HCFC2: variants seen among roughly 807,000 people sequenced by gnomAD.
HCFC2 encodes host cell factor 2.
In HCFC2, 18 loss-of-function variants were observed where a neutral mutation model predicts 89.2. The observed-to-expected ratio is 0.20, with a 90% CI of 0.14 to 0.30. The LOEUF (loss-of-function observed/expected upper bound fraction) is 0.30. HCFC2 is among the 10% of genes least tolerant of loss of function. The pLI is 1.00. For synonymous variants in HCFC2, 308 were observed against 335.7 expected (o/e 0.92, Z 0.90); for missense variants, 578 against 956.1 (o/e 0.60, Z 5.21).
At chr12:104,101,814 C>T (rs1231153743) in intron 13 of HCFC2, among the ~76,000 whole-genome samples, 154 bp from the exon 14 acceptor site, 1 of 151,986 alleles carries the variant, frequency 6.6e-6, no homozygotes, top group Non-Finnish European at 1.5e-5. Flanking sequence ...AGGGTTCATT[C>T]CATGTGAGAG....
At chr12:104,092,282 A>G (rs757795231) in intron 9 of HCFC2, among the ~76,000 whole-genome samples, 8 of 152,144 alleles carry the variant, frequency 5.3e-5, no homozygotes, top group Non-Finnish European at 1.2e-4. Context: ...CCTTGACAAC[A>G]TGGCAAAACC....
rs1020845522 is a variant in HCFC2, at chr12:104,088,013, G to T, written c.1259G>T (p.Gly420Val). Residue 420 changes from glycine (G) to valine (V), a missense_variant, in exon 9 of 15, where the codon GGC (glycine) becomes GTC (valine). Physicochemically the swap from Gly to Val is moderately radical, Grantham distance 109. Coordinates refer to ENST00000229330, the MANE Select transcript of HCFC2 (RefSeq NM_013320.3). Reference protein sequence around the residue: ...QGVRMDPHRQGSNNIVPNSIN... With the variant: ...QGVRMDPHRQVSNNIVPNSIN... ...GTCAGGATGGACCCTCACAGACAAG[G>T]CAGTAATAACATCGTTCCTAACAGT... The T allele has an allele frequency of 6.2e-7, 1 of 1,608,372 alleles. No individual in the cohort carries two copies.
At chr12:104,067,795 G>C in intron 2 of HCFC2, 152 bp from the exon 3 acceptor site, 1 of 569,380 alleles carries the variant, frequency 1.8e-6, no homozygotes, top group South Asian at 3.7e-5. Flanking sequence ...CCAGAAGTTA[G>C]CTGGTTATTT....
intron 7 of HCFC2, among the ~76,000 whole-genome samples, chr12:104,084,358 G>A (rs746706571): frequency 3.9e-5 from 6 of 152,204 alleles, no homozygotes; most frequent in Non-Finnish European, 7.3e-5. Context: ...AAAGGCTTCT[G>A]TGATGAGATG....
At chr12:104,076,361 A>C (rs1285423932) in intron 3 of HCFC2, among the ~76,000 whole-genome samples, 1 of 152,166 alleles carries the variant, frequency 6.6e-6, no homozygotes, top group Non-Finnish European at 1.5e-5. Flanking sequence ...CAAGTCTCCC[A>C]CTGTGATTGT....
At chr12:104,096,502 C>G in intron 12 of HCFC2, 69 bp downstream of exon 12, 1 of 1,044,620 alleles carries the variant, frequency 9.6e-7, no homozygotes, top group Non-Finnish European at 1.5e-6. Context: ...TGAGCAACTT[C>G]TAAATAATTT....
In HCFC2 at chr12:104,092,797, A is replaced by AT. The variant is rs549047399; in HGVS notation, c.1285-581dup. 7.4e-3 allele frequency among the ~76,000 whole-genome samples: 1,125 copies of AT among 152,176 alleles called. 6 individuals are homozygous for AT. The highest frequency in any genetic ancestry group is 0.012 in the Non-Finnish European group (829 of 67,996). Reference sequence around the variant, plus strand: ...CTCAAAAATAATAATAGTAGTAATAATTTTTTTTAAAAAGTGTGAATGTGT... The same window carrying AT: ...CTCAAAAATAATAATAGTAGTAATAATTTTTTTTTAAAAAGTGTGAATGTGT... On this transcript the variant is annotated intron_variant, in intron 9 of 14. Coordinates refer to ENST00000229330, the MANE Select transcript of HCFC2 (RefSeq NM_013320.3).
At chr12:104,093,253 A>G (rs1218685698) in intron 9 of HCFC2, 133 bp from the exon 10 acceptor site, 1 of 563,868 alleles carries the variant, frequency 1.8e-6, no homozygotes, top group African/African-American at 1.9e-5. Flanking sequence ...TGTAGAAATT[A>G]ATAATGTAAT....
chr12:104,069,035 G>A (rs1883236204), intron 3 of HCFC2, among the ~76,000 whole-genome samples: 1 of 152,120 alleles, frequency 6.6e-6, no homozygotes, highest in Admixed American at 6.6e-5. Flanking sequence ...ACCAGGCGTT[G>A]TGGCTCATGC....
chr12:104,085,062 T>C (rs1883793600), intron 7 of HCFC2, among the ~76,000 whole-genome samples: 1 of 152,200 alleles, frequency 6.6e-6, no homozygotes, highest in Admixed American at 6.5e-5. Context: ...TAATATGTGA[T>C]GTTATATGAG....
rs114329211 is a variant in HCFC2, at chr12:104,100,040, C to T, written c.1878+1560C>T. On this transcript the variant is annotated intron_variant, in intron 13 of 14. Coordinates refer to ENST00000229330, the MANE Select transcript of HCFC2 (RefSeq NM_013320.3). ...TTGAAATAGCTCTAATTTTGTTAAC[C>T]GGTGTGTCTAGAGAATGGAACTTTT... Among the ~76,000 whole-genome samples, 1,122 of 152,020 alleles carry T rather than the reference C, an allele frequency of 7.4e-3. 21 individuals are homozygous for T. The highest frequency in any genetic ancestry group is 0.074 in the South Asian group (354 of 4,804).
intron 4 of HCFC2, among the ~76,000 whole-genome samples, chr12:104,079,962 C>T (rs1883631348): frequency 6.6e-6 from 1 of 152,154 alleles, no homozygotes; most frequent in Non-Finnish European, 1.5e-5. Context: ...CTCCCTTTCA[C>T]TCTGAAAAAT....
At chr12:104,077,994 A>C (rs1246241816) in intron 3 of HCFC2, among the ~76,000 whole-genome samples, 2 of 151,950 alleles carry the variant, frequency 1.3e-5, no homozygotes, top group Non-Finnish European at 2.9e-5. Context: ...TTTATTATTT[A>C]TTTATGTATT....
Position 104,103,957 on chromosome 12 carries a change from A to G in HCFC2, c.*684A>G, listed in dbSNP as rs936271492. ...AATATATTTGAATATATTTTTGGCC[A>G]AAGCACTTAACTTATCTGGCCCTCA... is the stretch of plus-strand genomic sequence containing the variant. On this transcript the variant is annotated 3_prime_UTR_variant, in exon 15 of 15. Coordinates refer to ENST00000229330, the MANE Select transcript of HCFC2 (RefSeq NM_013320.3). 6.6e-6 allele frequency: 1 copy of G among 152,116 alleles called. No homozygotes were observed. Among genetic ancestry groups the G allele is most frequent in the Non-Finnish European group, 1.5e-5 (1 of 67,960 alleles). 9.4% of individuals were successfully genotyped at this position (152,116 alleles called of 1,614,324 possible).
At position 104,073,410 on chromosome 12, in the gene HCFC2, G is replaced by A. The variant is rs182408386; in HGVS notation, c.473+5303G>A. On this transcript the variant is annotated intron_variant, in intron 3 of 14. Transcript: ENST00000229330. ...GAACTCCTGACCTCATGATCCGCCC[G>A]CCTCAGCCTCCCAAAGTGCTGGGAT... Among the ~76,000 whole-genome samples, 504 of 151,126 alleles carry A rather than the reference G, an allele frequency of 3.3e-3. 10 individuals are homozygous for A. The highest frequency in any genetic ancestry group is 0.031 in the South Asian group (149 of 4,770).
At chr12:104,100,524 T>C (rs1005761315) in intron 13 of HCFC2, among the ~76,000 whole-genome samples, 3 of 151,928 alleles carry the variant, frequency 2.0e-5, no homozygotes, top group African/African-American at 7.3e-5. Flanking sequence ...CAGTGAGCCA[T>C]GTTCAGGCCA....
intron 9 of HCFC2, among the ~76,000 whole-genome samples, chr12:104,090,447 G>A (rs576408340): frequency 2.9e-4 from 44 of 151,820 alleles, no homozygotes; most frequent in Admixed American, 8.5e-4. Flanking sequence ...CCCATTGTTC[G>A]GGAAACTCAT....
At chr12:104,083,388 G>A (rs1883740990) in intron 7 of HCFC2, among the ~76,000 whole-genome samples, 1 of 152,110 alleles carries the variant, frequency 6.6e-6, no homozygotes, top group African/African-American at 2.4e-5. Context: ...GAATATGTGA[G>A]CAGTACTATT....
intron 10 of HCFC2, among the ~76,000 whole-genome samples, chr12:104,094,172 A>G (rs552086836): frequency 1.8e-4 from 28 of 152,320 alleles, no homozygotes; most frequent in African/African-American, 6.7e-4. Context: ...CTTCAGCAAT[A>G]TACTGGTAAA....
Sources: gnomAD v4.1 joint callset for allele counts (sites outside exome capture counted in the v4.1 genomes callset) on GRCh38, gnomAD v4.1.1 for gene constraint, MANE v1.5 for transcripts, NCBI Gene and HGNC (gene_info 2026-07-23, HGNC 2026-07-21) for gene names.